RNF38: variants seen among roughly 807,000 people sequenced by gnomAD.
RNF38 encodes ring finger protein 38.
Under a neutral mutation model 67.2 loss-of-function variants are expected in RNF38, and 15 were observed. The observed-to-expected ratio is 0.22, with a 90% CI of 0.15 to 0.34. RNF38 has a LOEUF of 0.34. RNF38 is among the 10% of genes least tolerant of loss of function. The pLI, the probability that RNF38 is intolerant of heterozygous loss-of-function variation, is 1.00. For missense variants in RNF38, 524 were observed against 639.9 expected (o/e 0.82, Z 1.95); for synonymous variants, 220 against 218.8 (o/e 1.01, Z -0.05).
intron 1 of RNF38, among the ~76,000 whole-genome samples, chr9:36,465,158 G>T (rs569616296): frequency 1.3e-5 from 2 of 152,336 alleles, no homozygotes; most frequent in East Asian, 3.9e-4. Flanking sequence ...TACACTGCTG[G>T]TGGGAATATA....
In RNF38 at chr9:36,407,231, C is replaced by A. The variant is rs145033567; in HGVS notation, n.313-16615G>T. Among the ~76,000 whole-genome samples, 419 of 152,290 alleles carry A rather than the reference C, an allele frequency of 2.8e-3. 2 individuals carry two copies. The highest frequency in any genetic ancestry group is 8.8e-3 in the African/African-American group (366 of 41,570). On this transcript the variant is annotated intron_variant and non_coding_transcript_variant, in intron 2 of 3. Transcript: ENST00000488058. Reference sequence around the variant, plus strand: ...ATAGCAGCTAGAGACCAGAAGAGGGCAGCAAAGGCTCACCCAAATCGAAGT... The same window carrying A: ...ATAGCAGCTAGAGACCAGAAGAGGGAAGCAAAGGCTCACCCAAATCGAAGT...
At chr9:36,441,547 A>T (rs1360720245) in intron 1 of RNF38, among the ~76,000 whole-genome samples, 2 of 150,972 alleles carry the variant, frequency 1.3e-5, no homozygotes, top group Non-Finnish European at 3.0e-5. Flanking sequence ...CTGGTCTTGA[A>T]CTCCTGACCT....
chr9:36,482,148 G>A (rs188337844), intron 1 of RNF38, among the ~76,000 whole-genome samples: 1 of 151,074 alleles, frequency 6.6e-6, no homozygotes, highest in African/African-American at 2.4e-5. Flanking sequence ...CTGCCTCCTG[G>A]GTTCAAGCGA....
intron 2 of RNF38, among the ~76,000 whole-genome samples, chr9:36,408,948 A>T (rs1453945340): frequency 6.6e-6 from 1 of 152,148 alleles, no homozygotes; most frequent in Non-Finnish European, 1.5e-5. Flanking sequence ...GCACTTTGGG[A>T]GGCAGAAGGG....
At chr9:36,400,961 G>A (rs946760642), upstream of RNF38, 12 of 984,078 alleles carry the variant, frequency 1.2e-5, no homozygotes, top group African/African-American at 1.8e-4. Context: ...ACAGACCCGG[G>A]CTCCCTATGC....
At chr9:36,413,235 A>T (rs1050107026) in intron 2 of RNF38, among the ~76,000 whole-genome samples, 15 of 138,470 alleles carry the variant, frequency 1.1e-4, no homozygotes, top group South Asian at 4.5e-4. Context: ...ATCTCAATTT[A>T]AAAAAAAAAA....
At chr9:36,357,538 G>T (rs1020343350) in intron 5 of RNF38, among the ~76,000 whole-genome samples, 1 of 152,018 alleles carries the variant, frequency 6.6e-6, no homozygotes, top group Non-Finnish European at 1.5e-5. Context: ...AAATATATCC[G>T]GTTATAAAGC....
At chr9:36,407,752 G>C (rs1002705509) in intron 2 of RNF38, among the ~76,000 whole-genome samples, 1 of 152,024 alleles carries the variant, frequency 6.6e-6, no homozygotes, top group African/African-American at 2.4e-5. Flanking sequence ...TTCATCTCAG[G>C]GGCAATCATA....
At chr9:36,362,089 G>A (rs961733925) in intron 4 of RNF38, among the ~76,000 whole-genome samples, 1 of 152,126 alleles carries the variant, frequency 6.6e-6, no homozygotes, top group African/African-American at 2.4e-5. Context: ...GGGCACAGTG[G>A]CTCACGCTTG....
At chr9:36,342,973 T>C (rs1832959193) in intron 10 of RNF38, among the ~76,000 whole-genome samples, 2 of 152,222 alleles carry the variant, frequency 1.3e-5, no homozygotes, top group African/African-American at 4.8e-5. Flanking sequence ...CTGCAGATGT[T>C]CAAATCCTTT....
At chr9:36,481,443 T>C (rs551624077) in intron 1 of RNF38, among the ~76,000 whole-genome samples, 7 of 152,244 alleles carry the variant, frequency 4.6e-5, no homozygotes, top group Non-Finnish European at 8.8e-5. Context: ...AATATCCATT[T>C]AAGTAGAACA....
rs1016604255 is a variant in RNF38, at chr9:36,399,017, T to C, written c.12+1080A>G. On this transcript the variant is annotated intron_variant, in intron 1 of 11. Transcript: ENST00000259605. ...AACATGAATTAAAAGCCTCATCCAATGCTGTTGGCAGAGAGACAACAGATC... is the reference window on the plus strand; with the variant it reads ...AACATGAATTAAAAGCCTCATCCAACGCTGTTGGCAGAGAGACAACAGATC... 5.4e-5 allele frequency among the ~76,000 whole-genome samples: 8 copies of C among 147,802 alleles called. No homozygotes were observed. In the East Asian group the frequency reaches 1.4e-3, roughly 26 times the overall value.
intron 3 of RNF38, among the ~76,000 whole-genome samples, chr9:36,375,185 A>G (rs938792101): frequency 3.3e-5 from 5 of 152,140 alleles, no homozygotes; most frequent in African/African-American, 7.2e-5. Context: ...CGGGCTCCAC[A>G]GTTGTTTTTT....
At chr9:36,437,982 T>C (rs78544638) in intron 1 of RNF38, among the ~76,000 whole-genome samples, 5,923 of 152,308 alleles carry the variant, frequency 0.039, 358 homozygotes, top group African/African-American at 0.13. Context: ...TCTCACTCTG[T>C]AGCCCCACGA....
chr9:36,485,060 T>A (rs951241113), intron 1 of RNF38, among the ~76,000 whole-genome samples: 3 of 152,022 alleles, frequency 2.0e-5, no homozygotes, highest in African/African-American at 7.3e-5. Context: ...TCCCAGCTAC[T>A]CGGGAGGCTG....
intron 2 of RNF38, among the ~76,000 whole-genome samples, chr9:36,385,258 C>T (rs986588459): frequency 5.4e-4 from 82 of 152,088 alleles, no homozygotes; most frequent in African/African-American, 1.9e-3. Context: ...ATACAACAAC[C>T]GATAACCAGC....
intron 1 of RNF38, among the ~76,000 whole-genome samples, chr9:36,450,070 T>C (rs1839400121): frequency 1.3e-5 from 2 of 152,244 alleles, no homozygotes; most frequent in African/African-American, 4.8e-5. Context: ...TATTTTTTAT[T>C]GTGGTAGAAT....
intron 10 of RNF38, among the ~76,000 whole-genome samples, chr9:36,343,929 A>G (rs1168573439): frequency 6.6e-6 from 1 of 152,176 alleles, no homozygotes; most frequent in Non-Finnish European, 1.5e-5. Flanking sequence ...GTTTTGTTTT[A>G]GGGTGATGCA....
intron 1 of RNF38, among the ~76,000 whole-genome samples, chr9:36,438,441 A>G (rs1839119967): frequency 6.6e-6 from 1 of 151,968 alleles, no homozygotes; most frequent in African/African-American, 2.4e-5. Flanking sequence ...CTCATCAGCA[A>G]TCGTTAGTGT....
Sources: gnomAD v4.1 joint callset for allele counts (sites outside exome capture counted in the v4.1 genomes callset) on GRCh38, gnomAD v4.1.1 for gene constraint, MANE v1.5 for transcripts, NCBI Gene and HGNC (gene_info 2026-07-23, HGNC 2026-07-21) for gene names.